PTTG1IP: variants seen among roughly 807,000 people sequenced by gnomAD.
PTTG1IP encodes the protein pituitary tumor-transforming gene 1 protein-interacting protein.
In PTTG1IP, 16 loss-of-function variants were observed where a neutral mutation model predicts 24.4. The ratio of observed to expected loss-of-function variants is 0.66; its 90% CI spans 0.44 to 1.00. The LOEUF (loss-of-function observed/expected upper bound fraction) is 1.00. PTTG1IP is among the 50% of genes least tolerant of loss of function. PTTG1IP has a pLI of 0.00. For missense variants in PTTG1IP, 241 were observed against 245.8 expected, an observed-to-expected ratio of 0.98 and a Z score of 0.13; for synonymous variants, 89 against 96.8, an observed-to-expected ratio of 0.92 and a Z score of 0.47.
chr21:44,859,685 G>C (rs2083475934), intron 3 of PTTG1IP, among the ~76,000 whole-genome samples: 1 of 152,056 alleles, frequency 6.6e-6, no homozygotes, highest in Non-Finnish European at 1.5e-5. Context: ...AAACACACAT[G>C]CATCACACAC....
intron 1 of PTTG1IP, among the ~76,000 whole-genome samples, chr21:44,866,599 TACAC>T (rs1199765329): frequency 1.0e-4 from 5 of 48,900 alleles, no homozygotes; most frequent in African/African-American, 3.6e-4. Context: ...ATAACACACA[TACAC>T]ACACACAGAC....
At chr21:44,861,900 C>A in intron 2 of PTTG1IP, 1 of 713,980 alleles carries the variant, frequency 1.4e-6, no homozygotes, top group South Asian at 1.5e-5. Flanking sequence ...TAGCAAGGAC[C>A]ATGCTTCCTA....
chr21:44,870,879 T>C (rs2083579527), intron 1 of PTTG1IP, among the ~76,000 whole-genome samples: 1 of 152,198 alleles, frequency 6.6e-6, no homozygotes, highest in Non-Finnish European at 1.5e-5. Flanking sequence ...CCCATTTGAG[T>C]GCTTTCCTGA....
At chr21:44,864,078 T>C (rs182755661) in intron 2 of PTTG1IP, among the ~76,000 whole-genome samples, 72 of 152,330 alleles carry the variant, frequency 4.7e-4, no homozygotes, top group African/African-American at 1.5e-3. Context: ...TGAAACCTCA[T>C]TGCCGGGGAA....
chr21:44,859,126 T>C (rs2083471072), intron 3 of PTTG1IP, among the ~76,000 whole-genome samples: 1 of 152,220 alleles, frequency 6.6e-6, no homozygotes, highest in African/African-American at 2.4e-5. Context: ...TGTAGAACAC[T>C]GCACGAGAAA....
chr21:44,868,967 G>C (rs908513566), intron 1 of PTTG1IP, among the ~76,000 whole-genome samples: 1 of 152,210 alleles, frequency 6.6e-6, no homozygotes, highest in African/African-American at 2.4e-5. Flanking sequence ...CCATAACCCA[G>C]AACAACATGA....
chr21:44,870,042 C>T (rs1026920031), intron 1 of PTTG1IP, among the ~76,000 whole-genome samples: 3 of 152,130 alleles, frequency 2.0e-5, no homozygotes, highest in Non-Finnish European at 2.9e-5. Flanking sequence ...TCTGGATTAC[C>T]GGTCAGTCTG....
At chr21:44,862,687 C>A (rs2083501240) in intron 2 of PTTG1IP, among the ~76,000 whole-genome samples, 1 of 152,168 alleles carries the variant, frequency 6.6e-6, no homozygotes. Flanking sequence ...GGGCAAAAGT[C>A]TATTACAAAA....
chr21:44,851,322 A>T lies in PTTG1IP; in HGVS notation c.*259T>A. Reference sequence around the variant, plus strand: ...GCGTTTCACAAACTGAGAAGAGTATAAAAAAGCCCAAACCCCAAAGATTTC... The same window carrying T: ...GCGTTTCACAAACTGAGAAGAGTATTAAAAAGCCCAAACCCCAAAGATTTC... On this transcript the variant is annotated 3_prime_UTR_variant, in exon 6 of 6. Coordinates refer to ENST00000330938, the MANE Select transcript of PTTG1IP (RefSeq NM_004339.4). 6.7e-7 allele frequency: 1 copy of T among 1,488,450 alleles called. No individual in the cohort carries two copies. Among genetic ancestry groups the T allele is most frequent in the African/African-American group, 1.4e-5 (1 of 71,534 alleles). 92.2% of individuals were successfully genotyped at this position (1,488,450 alleles called of 1,614,324 possible).
chr21:44,858,623 G>GC (rs1378375726), intron 3 of PTTG1IP, among the ~76,000 whole-genome samples: 3 of 152,156 alleles, frequency 2.0e-5, no homozygotes, highest in African/African-American at 7.2e-5. Context: ...GGCGTGTGGT[G>GC]CCCCCTCCCC....
intron 2 of PTTG1IP, 68 bp from the exon 3 acceptor site, chr21:44,861,339 C>T (rs1569324134): frequency 1.6e-5 from 22 of 1,355,678 alleles, no homozygotes; most frequent in Non-Finnish European, 1.7e-5. Context: ...CCAGGCTCTG[C>T]CCACAGCCCG....
Position 44,867,145 on chromosome 21 carries a change from G to A in PTTG1IP, c.116-1698C>T, listed in dbSNP as rs569442717. 6.6e-5 allele frequency among the ~76,000 whole-genome samples: 10 copies of A among 152,300 alleles called. No individual in the cohort carries two copies. The East Asian group carries it at 9.6e-4, about 15-fold the overall frequency. ...AGGGCATCAAGAATAGCAAACATGC[G>A]GCTCTCGTATCAAGGGATCTTCTGG... On this transcript the variant is annotated intron_variant, in intron 1 of 5. Coordinates refer to ENST00000330938, the MANE Select transcript of PTTG1IP (RefSeq NM_004339.4).
intron 1 of PTTG1IP, among the ~76,000 whole-genome samples, chr21:44,867,221 G>A (rs2083548820): frequency 6.6e-6 from 1 of 152,266 alleles, no homozygotes; most frequent in Admixed American, 6.5e-5. Context: ...TCCTTTGGAG[G>A]TGAGCTAGGC....
chr21:44,851,690 G>C, intron 5 of PTTG1IP, 63 bp from the exon 6 acceptor site: 1 of 1,512,450 alleles, frequency 6.6e-7, no homozygotes, highest in South Asian at 1.3e-5. Context: ...ATCTTAGAAA[G>C]CCATACAAAC....
chr21:44,869,717 G>T (rs2083569229), intron 1 of PTTG1IP, among the ~76,000 whole-genome samples: 1 of 152,222 alleles, frequency 6.6e-6, no homozygotes, highest in Admixed American at 6.5e-5. Context: ...GGGCATCCAG[G>T]ACTTCACTGC....
chr21:44,852,981 G>T (rs948872987), intron 5 of PTTG1IP, among the ~76,000 whole-genome samples: 2 of 152,090 alleles, frequency 1.3e-5, no homozygotes, highest in Admixed American at 1.3e-4. Flanking sequence ...GCAATTAAAG[G>T]GCCAAATTAA....
Position 44,873,660 on chromosome 21 carries a change from G to A in PTTG1IP, c.-44C>T, listed in dbSNP as rs1275769550. On this transcript the variant is annotated 5_prime_UTR_variant, in exon 1 of 6. Transcript: ENST00000330938. Reference sequence around the variant, plus strand: ...TCAGTCAGTGGAGCGTTACAACTCCGACTCCAGCACAAGCGGTCTCCGCCC... The same window carrying A: ...TCAGTCAGTGGAGCGTTACAACTCCAACTCCAGCACAAGCGGTCTCCGCCC... The A allele has an allele frequency of 9.0e-6, 12 of 1,333,060 alleles. No homozygotes were observed. Among genetic ancestry groups the A allele is most frequent in the African/African-American group, 1.5e-5 (1 of 65,364 alleles). The allele number at this position is 1,333,060 out of a possible 1,614,324, so 82.6% of individuals were successfully genotyped here. A position where few individuals can be genotyped will look rare whatever the true frequency, so the allele number is the denominator to read the frequency against.
chr21:44,867,478 G>A (rs1035745678), intron 1 of PTTG1IP, among the ~76,000 whole-genome samples: 3 of 152,194 alleles, frequency 2.0e-5, no homozygotes, highest in East Asian at 1.9e-4. Context: ...GGTCTGTCTC[G>A]GTCGCGGCTA....
chr21:44,870,378 TA>T (rs1157184672), intron 1 of PTTG1IP, among the ~76,000 whole-genome samples: 1 of 151,870 alleles, frequency 6.6e-6, no homozygotes, highest in Non-Finnish European at 1.5e-5. Context: ...CCATTTCTAC[TA>T]AAAATACGAA....
Sources: gnomAD v4.1 joint callset for allele counts (sites outside exome capture counted in the v4.1 genomes callset) on GRCh38, gnomAD v4.1.1 for gene constraint, MANE v1.5 for transcripts, NCBI Gene and HGNC (gene_info 2026-07-23, HGNC 2026-07-21) for gene names.